Variants in CATSPERD observed in about 807,000 individuals in gnomAD.
CATSPERD encodes the protein catsper channel auxiliary subunit delta, also known as cation channel sperm-associated auxiliary subunit delta.
CATSPERD carries 86 observed loss-of-function variants against 98.1 expected under a neutral mutation model. The observed-to-expected ratio is 0.88, with a 90% CI of 0.74 to 1.05. The LOEUF is 1.05. Ranked by LOEUF, CATSPERD falls within the 50% of genes least tolerant of loss-of-function variation. The pLI is 0.00. For synonymous variants in CATSPERD, 394 were observed against 390.2 expected (o/e 1.01, Z -0.12); for missense variants, 995 against 1,005.7 (o/e 0.99, Z 0.14).
chr19:5,748,106 C>T, intron 9 of CATSPERD, 54 bp from the exon 10 acceptor site: 1 of 1,465,822 alleles, frequency 6.8e-7, no homozygotes, highest in Non-Finnish European at 9.6e-7. Flanking sequence ...TAGTAGACAT[C>T]CCCTTTCCCA....
intron 16 of CATSPERD, 106 bp from the exon 17 acceptor site, chr19:5,765,997 A>T: frequency 2.6e-6 from 2 of 776,872 alleles, no homozygotes; most frequent in Non-Finnish European, 4.1e-6. Context: ...TCCAGGCCAC[A>T]TGGTTTCCAA....
At chr19:5,753,948 A>T (rs1050419597) in intron 12 of CATSPERD, among the ~76,000 whole-genome samples, 184 bp from the exon 13 acceptor site, 3 of 151,908 alleles carry the variant, frequency 2.0e-5, no homozygotes, top group Admixed American at 1.3e-4. Flanking sequence ...GAGAGGAGGG[A>T]GGGGCTGGCA....
rs757901248 is a variant in CATSPERD, at chr19:5,768,229, T to TTCA, written c.1627_1629dup (p.Ile543dup). 11 of 1,613,128 alleles carry TTCA rather than the reference T, an allele frequency of 6.8e-6. No homozygotes were observed. The highest frequency in any genetic ancestry group is 1.7e-5 in the Admixed American group (1 of 59,964). ...CTTGACCCTGCAAGACAATTACAGC[T>TTCA]TCATCATCGAGAAGTAAGCCAGCGT... On this transcript the variant is annotated inframe_insertion, in exon 18 of 22. Coordinates refer to ENST00000381624, the MANE Select transcript of CATSPERD (RefSeq NM_152784.4).
chr19:5,741,648 GGAA>G (rs1244014804), intron 7 of CATSPERD, among the ~76,000 whole-genome samples: 1 of 151,916 alleles, frequency 6.6e-6, no homozygotes. Context: ...AAACTGACTT[GGAA>G]GTAGGGCCTT....
chr19:5,761,886 C>T (rs1268093414), intron 15 of CATSPERD, among the ~76,000 whole-genome samples: 4 of 150,016 alleles, frequency 2.7e-5, no homozygotes, highest in East Asian at 3.9e-4. Flanking sequence ...CCACCACGCC[C>T]GGCTAATTTT....
Position 5,743,871 on chromosome 19 carries a change from C to T in CATSPERD, c.574-556C>T, listed in dbSNP as rs531862603. ...ACAATCAGGAATGAGGACTCCCAGG[C>T]AGGAATGAAAGACTCAGGCAGCCTT... On this transcript the variant is annotated intron_variant, in intron 7 of 21. Transcript: ENST00000381624. Among the ~76,000 whole-genome samples the T allele has an allele frequency of 1.5e-4, 23 of 152,276 alleles. No individual in the cohort carries two copies. In the South Asian group the frequency reaches 4.1e-3, roughly 27 times the overall value.
intron 13 of CATSPERD, 143 bp from the exon 14 acceptor site, chr19:5,757,700 C>G: frequency 1.8e-6 from 1 of 540,578 alleles, no homozygotes; most frequent in Non-Finnish European, 3.2e-6. Context: ...CTTGGTCTCC[C>G]AAAGTGCTGG....
chr19:5,742,172 GTGTA>G lies in CATSPERD; in HGVS notation c.574-2247_574-2244del, dbSNP rs201109808. Among the ~76,000 whole-genome samples the G allele has an allele frequency of 5.3e-3, 798 of 150,852 alleles. 10 individuals carry two copies. The highest frequency in any genetic ancestry group is 0.018 in the African/African-American group (739 of 40,694). On this transcript the variant is annotated intron_variant, in intron 7 of 21. Transcript: ENST00000381624. The stretch of plus-strand genomic sequence containing the variant: ...CGTGTGTGAACGTGTGTGTGCGTGT[GTGTA>G]TGTATGTGAACGTGTGTGCGTGTAC...
At chr19:5,775,041 CCTGA>C (rs2056715617) in intron 20 of CATSPERD, among the ~76,000 whole-genome samples, 1 of 152,000 alleles carries the variant, frequency 6.6e-6, no homozygotes, top group Non-Finnish European at 1.5e-5. Flanking sequence ...ATTGGAAGCG[CCTGA>C]CTCTCACCCA....
chr19:5,766,028 T>A, intron 16 of CATSPERD, 75 bp from the exon 17 acceptor site: 3 of 1,116,634 alleles, frequency 2.7e-6, no homozygotes, highest in South Asian at 1.4e-5. Context: ...CAGGAGTGTG[T>A]CCCTGTATAG....
chr19:5,772,846 A>C lies in CATSPERD; in HGVS notation c.1822A>C (p.Asn608His). Residue 608 changes from asparagine (N) to histidine (H), a missense_variant, in exon 20 of 22, where the codon AAC becomes CAC. Around this residue, in one of 3 missense-constraint regions of CATSPERD, gnomAD observed 762 missense variants for 773.7 expected, o/e 0.98. Coordinates refer to ENST00000381624, the MANE Select transcript of CATSPERD (RefSeq NM_152784.4). ...IDAEYVLLEV[N>H]GQFSYSYSLT... Reference sequence around the variant, plus strand: ...CGCCGAGTATGTGTTACTGGAGGTGAACGGGCAGTTCTCATACTCCTATTC... The same window carrying C: ...CGCCGAGTATGTGTTACTGGAGGTGCACGGGCAGTTCTCATACTCCTATTC... 6.2e-7 allele frequency: 1 copy of C among 1,614,088 alleles called. No homozygotes were observed.
chr19:5,720,781 G>T lies in CATSPERD; in HGVS notation c.44G>T (p.Arg15Leu), dbSNP rs1425679591. Residue 15 changes from arginine to leucine, a missense_variant, in exon 1 of 22, where the codon CGA (arginine) becomes CTA (leucine). Arg to Leu is a moderately radical substitution (Grantham distance 102, BLOSUM62 -2). Around this residue, in one of 3 missense-constraint regions of CATSPERD, gnomAD observed 228 missense variants for 209.6 expected, o/e 1.09. Transcript: ENST00000381624. The part of the protein sequence containing the change: ...MLVAAVTMWL[R>L]PLVTAQLCRS... ...GTGGCGGCTGTGACCATGTGGCTCC[G>T]ACCGCTGGTCACAGCTCAGCTCTGT... 2 of 1,602,308 alleles carry T rather than the reference G, an allele frequency of 1.2e-6. No individual in the cohort carries two copies. Among genetic ancestry groups the T allele is most frequent in the Admixed American group, 3.3e-5 (2 of 59,872 alleles).
chr19:5,728,156 G>A (rs1172762549), intron 3 of CATSPERD, among the ~76,000 whole-genome samples: 1 of 151,522 alleles, frequency 6.6e-6, no homozygotes, highest in South Asian at 2.1e-4. Flanking sequence ...TCAAGAGATT[G>A]AGACCAGCCT....
intron 1 of CATSPERD, among the ~76,000 whole-genome samples, chr19:5,722,807 C>A (rs1456313951): frequency 6.6e-6 from 1 of 151,854 alleles, no homozygotes; most frequent in Non-Finnish European, 1.5e-5. Context: ...TACCATCCTT[C>A]CAGTCACCAC....
chr19:5,766,795 T>G (rs1440430577), intron 17 of CATSPERD, among the ~76,000 whole-genome samples: 1 of 151,070 alleles, frequency 6.6e-6, no homozygotes, highest in Admixed American at 6.6e-5. Flanking sequence ...CAGGTTCAAG[T>G]GATTCTCCTG....
chr19:5,773,114 G>A, intron 20 of CATSPERD, 149 bp downstream of exon 20: 1 of 755,098 alleles, frequency 1.3e-6, no homozygotes, highest in Non-Finnish European at 2.1e-6. Context: ...AGCACTTTGG[G>A]AGGCTGAGGC....
intron 6 of CATSPERD, 92 bp downstream of exon 6, chr19:5,737,297 A>C: frequency 2.2e-5 from 18 of 834,944 alleles, no homozygotes; most frequent in Non-Finnish European, 3.5e-5. Flanking sequence ...GTGGTGGCTC[A>C]TACCTGTAAT....
intron 5 of CATSPERD, among the ~76,000 whole-genome samples, chr19:5,736,547 T>C (rs2055849871): frequency 6.6e-6 from 1 of 151,434 alleles, no homozygotes; most frequent in Non-Finnish European, 1.5e-5. Flanking sequence ...CGAAACTCCG[T>C]CTCTACTAAA....
intron 15 of CATSPERD, 44 bp from the exon 16 acceptor site, chr19:5,763,171 C>T (rs1599578769): frequency 1.4e-6 from 2 of 1,459,242 alleles, no homozygotes; most frequent in African/African-American, 1.4e-5. Flanking sequence ...GTGTCGTTTA[C>T]AGGGGTGCTA....
Sources: gnomAD v4.1 joint callset for allele counts (sites outside exome capture counted in the v4.1 genomes callset) on GRCh38, gnomAD v4.1.1 for gene constraint, gnomAD v4.1.1 regional missense constraint, MANE v1.5 for transcripts, NCBI Gene and HGNC (gene_info 2026-07-23, HGNC 2026-07-21) for gene names.